Variants in ENOX1 observed in about 807,000 individuals in gnomAD.
ENOX1 encodes the protein ecto-NOX disulfide-thiol exchanger 1, also known as candidate growth-related and time keeping constitutive hydroquinone (NADH) oxidase.
ENOX1 carries 42 observed loss-of-function variants against 82.5 expected under a neutral mutation model. The ratio of observed to expected loss-of-function variants is 0.51; its 90% CI spans 0.40 to 0.66. ENOX1 has a LOEUF of 0.66. ENOX1 is among the 30% of genes least tolerant of loss of function. The probability of loss-of-function intolerance (pLI) is 0.00; values close to 1 mark genes in which losing one functional copy is unlikely to be tolerated. For synonymous variants in ENOX1, 271 were observed against 282.2 expected (o/e 0.96, Z 0.40); for missense variants, 608 against 811.6 (o/e 0.75, Z 3.05).
intron 9 of ENOX1, among the ~76,000 whole-genome samples, chr13:43,333,238 T>A (rs2048509343): frequency 6.6e-6 from 1 of 152,234 alleles, no homozygotes; most frequent in Admixed American, 6.5e-5. Flanking sequence ...TTTTTAATTT[T>A]GAAAGGTACT....
intron 2 of ENOX1, among the ~76,000 whole-genome samples, chr13:43,611,416 G>T (rs1386981472): frequency 6.6e-6 from 1 of 152,184 alleles, no homozygotes; most frequent in Non-Finnish European, 1.5e-5. Flanking sequence ...CTGTCTGGAT[G>T]TCAGAATGCA....
chr13:43,490,424 G>A (rs1002539156), intron 2 of ENOX1, among the ~76,000 whole-genome samples: 20 of 152,128 alleles, frequency 1.3e-4, no homozygotes, highest in African/African-American at 4.6e-4. Context: ...CTACTGGGAT[G>A]GAATCAATGT....
At chr13:43,623,797 G>C (rs1165533467) in intron 2 of ENOX1, among the ~76,000 whole-genome samples, 1 of 152,124 alleles carries the variant, frequency 6.6e-6, no homozygotes, top group African/African-American at 2.4e-5. Flanking sequence ...TCTATGATAT[G>C]TGTATATCAT....
rs1461927582 is a variant in ENOX1, at chr13:43,344,779, T to A, written c.824-29A>T. The A allele has an allele frequency of 3.1e-6, 5 of 1,598,944 alleles. No individual in the cohort carries two copies. The South Asian group carries it at 4.4e-5, about 14-fold the overall frequency. ...GAAATGGAAAACCACCAAGTACAAA[T>A]CATGCCAAGATGAGAAAATACACTT... On this transcript the variant is annotated intron_variant, in intron 8 of 16. Coordinates refer to ENST00000690772, the MANE Select transcript of ENOX1 (RefSeq NM_001347969.2).
chr13:43,500,017 G>A (rs1401793697), intron 2 of ENOX1, among the ~76,000 whole-genome samples: 2 of 151,848 alleles, frequency 1.3e-5, no homozygotes, highest in Non-Finnish European at 2.9e-5. Context: ...ATGTCATTTC[G>A]AATTATTAAA....
At chr13:43,602,474 A>G (rs942561889) in intron 2 of ENOX1, among the ~76,000 whole-genome samples, 2 of 152,134 alleles carry the variant, frequency 1.3e-5, no homozygotes, top group African/African-American at 4.8e-5. Context: ...ATCATATGAT[A>G]TATATACACA....
At chr13:43,371,718 C>T (rs1387893792) in intron 5 of ENOX1, among the ~76,000 whole-genome samples, 1 of 152,110 alleles carries the variant, frequency 6.6e-6, no homozygotes, top group Admixed American at 6.5e-5. Flanking sequence ...TCATATTAAA[C>T]AATTTATGTA....
intron 14 of ENOX1, among the ~76,000 whole-genome samples, chr13:43,263,969 A>T (rs911894004): frequency 6.6e-6 from 1 of 152,214 alleles, no homozygotes; most frequent in East Asian, 1.9e-4. Context: ...AACATTGCCT[A>T]TGGGGAGCTC....
intron 1 of ENOX1, among the ~76,000 whole-genome samples, chr13:43,775,184 T>C (rs1342479503): frequency 6.6e-6 from 1 of 152,088 alleles, no homozygotes; most frequent in African/African-American, 2.4e-5. Context: ...TCCCATGATC[T>C]TTCACCCAGG....
intron 2 of ENOX1, chr13:43,547,183 C>A (rs2079009433): frequency 6.6e-6 from 1 of 152,194 alleles, no homozygotes; most frequent in East Asian, 1.9e-4. Context: ...GGTTCACAGA[C>A]CAACTGGGGA....
chr13:43,625,649 T>G (rs974171905), intron 2 of ENOX1, among the ~76,000 whole-genome samples: 11 of 152,016 alleles, frequency 7.2e-5, no homozygotes, highest in African/African-American at 2.4e-4. Context: ...TTGCATAGAT[T>G]GATTTTCAAA....
chr13:43,217,910 T>A (rs2041573365), intron 16 of ENOX1, among the ~76,000 whole-genome samples: 1 of 152,206 alleles, frequency 6.6e-6, no homozygotes, highest in Admixed American at 6.5e-5. Context: ...TTTGCGCACC[T>A]TAAAGCACAA....
intron 2 of ENOX1, among the ~76,000 whole-genome samples, chr13:43,579,365 A>G (rs1276590759): frequency 6.6e-6 from 1 of 152,218 alleles, no homozygotes; most frequent in Non-Finnish European, 1.5e-5. Context: ...CAGAAATCCA[A>G]TTACATTAGA....
chr13:43,464,385 C>T (rs1325706011), intron 3 of ENOX1, among the ~76,000 whole-genome samples: 1 of 151,982 alleles, frequency 6.6e-6, no homozygotes, highest in African/African-American at 2.4e-5. Context: ...TTTAGTTCTG[C>T]AGGGCAGTAC....
At chr13:43,611,476 T>C (rs920979322) in intron 2 of ENOX1, among the ~76,000 whole-genome samples, 11 of 152,206 alleles carry the variant, frequency 7.2e-5, no homozygotes, top group Admixed American at 3.9e-4. Flanking sequence ...TCACGACCCA[T>C]GTAGTCTCAA....
At chr13:43,249,080 A>G (rs2043302127) in intron 14 of ENOX1, among the ~76,000 whole-genome samples, 1 of 152,138 alleles carries the variant, frequency 6.6e-6, no homozygotes, top group African/African-American at 2.4e-5. Context: ...CCATGCTTAA[A>G]TTGTGGTCTC....
At position 43,417,109 on chromosome 13, in the gene ENOX1, C is replaced by T. The variant is rs1260784854; in HGVS notation, c.-74-4121G>A. ...CTGCAATCCCAGGCACTCGGCAGGC[C>T]GAGGCAGGAGAATCAGGGGAGCCCG... On this transcript the variant is annotated intron_variant, in intron 3 of 16. Transcript: ENST00000690772. 7.9e-5 allele frequency among the ~76,000 whole-genome samples: 12 copies of T among 152,152 alleles called. No individual in the cohort carries two copies. In the East Asian group the frequency reaches 1.2e-3, roughly 15 times the overall value.
chr13:43,282,741 A>G (rs941733545), intron 12 of ENOX1, among the ~76,000 whole-genome samples: 2 of 151,750 alleles, frequency 1.3e-5, no homozygotes, highest in South Asian at 2.1e-4. Context: ...TATTTTTCTT[A>G]AATGTTTGGT....
chr13:43,689,440 T>C (rs1015210280), intron 1 of ENOX1, among the ~76,000 whole-genome samples: 1 of 152,196 alleles, frequency 6.6e-6, no homozygotes, highest in Non-Finnish European at 1.5e-5. Flanking sequence ...TGTAGAAATG[T>C]GAGTACAAAT....
Sources: gnomAD v4.1 joint callset for allele counts (sites outside exome capture counted in the v4.1 genomes callset) on GRCh38, gnomAD v4.1.1 for gene constraint, MANE v1.5 for transcripts, NCBI Gene and HGNC (gene_info 2026-07-23, HGNC 2026-07-21) for gene names.